The following DCC variants were observed in gnomAD, a reference collection of about 807,000 sequenced individuals.
The protein encoded by DCC is netrin receptor DCC.
DCC carries 58 observed loss-of-function variants against 172.5 expected under a neutral mutation model. The observed-to-expected ratio is 0.34, with a 90% CI of 0.27 to 0.42. DCC has a LOEUF of 0.42. Ranked by LOEUF, DCC falls within the 10% of genes least tolerant of loss-of-function variation. The probability of loss-of-function intolerance (pLI) is 1.00; values close to 1 mark genes in which losing one functional copy is unlikely to be tolerated. For synonymous variants in DCC, 709 were observed against 644.5 expected (o/e 1.10, Z -1.52); for missense variants, 1,740 against 1,791.0 (o/e 0.97, Z 0.51).
At chr18:53,310,714 G>A (rs1054681920) in intron 13 of DCC, among the ~76,000 whole-genome samples, 2 of 152,110 alleles carry the variant, frequency 1.3e-5, no homozygotes, top group Admixed American at 1.3e-4. Context: ...TGCATTGATA[G>A]TTTATGGACT....
rs183446186 is a variant in DCC at position 53,502,833 on chromosome 18, G to A, written c.4111+3323G>A. Among the ~76,000 whole-genome samples, 9 of 150,912 alleles carry A rather than the reference G, an allele frequency of 6.0e-5. No homozygotes were observed. In the East Asian group the frequency reaches 1.6e-3, roughly 26 times the overall value. On this transcript the variant is annotated intron_variant, in intron 27 of 28. Coordinates refer to ENST00000442544, the MANE Select transcript of DCC (RefSeq NM_005215.4). The stretch of plus-strand genomic sequence containing the variant: ...TTTCCCCACTCAAATTCCTGTGTGT[G>A]AATTTGCTTTTTTTTTTAAATTTAT...
intron 1 of DCC, among the ~76,000 whole-genome samples, chr18:52,689,538 G>A (rs2035896827): frequency 6.6e-6 from 1 of 152,050 alleles, no homozygotes; most frequent in African/African-American, 2.4e-5. Context: ...GTAAGGCTAG[G>A]GACCCTATGC....
chr18:52,926,895 A>G (rs1291524976), intron 5 of DCC, among the ~76,000 whole-genome samples: 1 of 133,382 alleles, frequency 7.5e-6, no homozygotes, highest in African/African-American at 2.7e-5. Context: ...ACACACATAC[A>G]TATGTGTGTA....
At chr18:52,875,400 G>A (rs112900418) in intron 2 of DCC, among the ~76,000 whole-genome samples, 1,681 of 152,212 alleles carry the variant, frequency 0.011, 23 homozygotes, top group African/African-American at 0.036. Flanking sequence ...AAAGTTGGTA[G>A]CATTACAATC....
At chr18:52,638,457 A>T (rs2034824398) in intron 1 of DCC, among the ~76,000 whole-genome samples, 1 of 152,138 alleles carries the variant, frequency 6.6e-6, no homozygotes, top group South Asian at 2.1e-4. Context: ...CTCACCTAGC[A>T]CATAAGGACT....
intron 1 of DCC, among the ~76,000 whole-genome samples, chr18:52,660,713 C>A (rs533064939): frequency 1.3e-5 from 2 of 152,166 alleles, no homozygotes; most frequent in Non-Finnish European, 2.9e-5. Flanking sequence ...TAAAAGTTCT[C>A]TCCTTTTACC....
intron 1 of DCC, among the ~76,000 whole-genome samples, chr18:52,413,275 A>G (rs745792238): frequency 6.6e-5 from 10 of 151,074 alleles, no homozygotes; most frequent in Non-Finnish European, 1.3e-4. Flanking sequence ...GATGTTTTTT[A>G]AAAGCCTAAC....
At chr18:52,786,773 T>C (rs549238291) in intron 2 of DCC, among the ~76,000 whole-genome samples, 1 of 152,188 alleles carries the variant, frequency 6.6e-6, no homozygotes, top group East Asian at 1.9e-4. Flanking sequence ...TTAGGAACCC[T>C]GTGTGGGGAC....
intron 25 of DCC, among the ~76,000 whole-genome samples, chr18:53,474,585 G>A (rs947972002): frequency 6.6e-6 from 1 of 152,172 alleles, no homozygotes; most frequent in African/African-American, 2.4e-5. Flanking sequence ...CCCTGCACAA[G>A]CTCTCTTCTC....
chr18:53,323,613 A>G (rs1019569046), intron 14 of DCC, among the ~76,000 whole-genome samples: 1 of 152,106 alleles, frequency 6.6e-6, no homozygotes, highest in Non-Finnish European at 1.5e-5. Flanking sequence ...CTTGAAAACT[A>G]CAGTTCAACT....
At chr18:53,406,533 C>T (rs558761488) in intron 19 of DCC, among the ~76,000 whole-genome samples, 1 of 151,702 alleles carries the variant, frequency 6.6e-6, no homozygotes, top group East Asian at 1.9e-4. Context: ...GGTGAAACCC[C>T]GACTCTACTA....
intron 1 of DCC, among the ~76,000 whole-genome samples, chr18:52,413,447 T>G (rs77590334): frequency 0.019 from 2,844 of 152,044 alleles, 93 homozygotes; most frequent in African/African-American, 0.065. Context: ...TTTCTATCTT[T>G]CTATGTATCT....
chr18:52,905,346 G>T (rs758295409), intron 2 of DCC, among the ~76,000 whole-genome samples: 1 of 152,134 alleles, frequency 6.6e-6, no homozygotes, highest in Non-Finnish European at 1.5e-5. Context: ...ATGGCCCAAA[G>T]AAATGAAACA....
At position 53,086,173 on chromosome 18, in the gene DCC, CTCTTCTTCTTCTTT is replaced by C. The variant is rs1373910133; in HGVS notation, c.1261+20029_1261+20042del. ...CTCCTCTTCCTCTTCTCTTCCTCTT[CTCTTCTTCTTCTTT>C]TCTTCTTCTTCTTTTCTTCTTTCCT... is the stretch of plus-strand genomic sequence containing the variant. On this transcript the variant is annotated intron_variant, in intron 7 of 28. Transcript: ENST00000442544. 8.1e-5 allele frequency among the ~76,000 whole-genome samples: 3 copies of C among 36,862 alleles called. 1 individual carries two copies. Among genetic ancestry groups the C allele is most frequent in the Admixed American group, 5.7e-4 (3 of 5,298 alleles). The allele number at this position is 36,862 out of a possible 152,430, so 24.2% of individuals were successfully genotyped here.
At chr18:53,344,290 T>A (rs2144881045) in intron 15 of DCC, among the ~76,000 whole-genome samples, 1 of 152,154 alleles carries the variant, frequency 6.6e-6, no homozygotes, top group East Asian at 1.9e-4. Context: ...GTTGTATTTT[T>A]ATTACCATTT....
At chr18:53,305,459 A>G in intron 12 of DCC, 119 bp from the exon 13 acceptor site, 1 of 791,398 alleles carries the variant, frequency 1.3e-6, no homozygotes, top group Non-Finnish European at 2.2e-6. Context: ...TCTAAGTGGC[A>G]ATCGCTAACA....
chr18:52,592,256 C>T (rs970335746), intron 1 of DCC, among the ~76,000 whole-genome samples: 1 of 152,182 alleles, frequency 6.6e-6, no homozygotes, highest in Non-Finnish European at 1.5e-5. Flanking sequence ...CAACACTTCT[C>T]TAGGGCACTG....
chr18:52,374,539 G>T (rs776841960), intron 1 of DCC, among the ~76,000 whole-genome samples: 1 of 151,928 alleles, frequency 6.6e-6, no homozygotes, highest in Non-Finnish European at 1.5e-5. Flanking sequence ...TCTAAACAAA[G>T]AATTATTGAT....
intron 12 of DCC, among the ~76,000 whole-genome samples, chr18:53,229,436 A>G (rs1196842532): frequency 1.3e-5 from 2 of 152,176 alleles, no homozygotes; most frequent in Admixed American, 6.5e-5. Flanking sequence ...AAATGTATCA[A>G]ATATGTTACA....
Sources: gnomAD v4.1 joint callset for allele counts (sites outside exome capture counted in the v4.1 genomes callset) on GRCh38, gnomAD v4.1.1 for gene constraint, MANE v1.5 for transcripts, NCBI Gene and HGNC (gene_info 2026-07-23, HGNC 2026-07-21) for gene names.